Variants in ERGIC1 observed in about 807,000 individuals in gnomAD.
The protein encoded by ERGIC1 is endoplasmic reticulum-golgi intermediate compartment 1, also known as endoplasmic reticulum-Golgi intermediate compartment protein 1.
A neutral mutation model predicts 38.3 loss-of-function variants in ERGIC1; 19 were observed. The observed-to-expected ratio is 0.50, with a 90% CI of 0.35 to 0.73. ERGIC1 has a LOEUF of 0.73. Ranked by LOEUF, ERGIC1 falls within the 30% of genes least tolerant of loss-of-function variation. The probability of loss-of-function intolerance (pLI) is 0.01; values close to 1 mark genes in which losing one functional copy is unlikely to be tolerated. For missense variants in ERGIC1, 294 were observed against 389.2 expected (o/e 0.76, Z 2.06); for synonymous variants, 124 against 157.6 (o/e 0.79, Z 1.60).
intron 1 of ERGIC1, among the ~76,000 whole-genome samples, chr5:172,877,700 G>A (rs73325144): frequency 1.2e-3 from 188 of 152,136 alleles, no homozygotes; most frequent in Middle Eastern, 6.8e-3. Flanking sequence ...CACCCTCTGC[G>A]TTATGGGTGA....
chr5:172,840,454 G>A (rs1270729392), intron 1 of ERGIC1, among the ~76,000 whole-genome samples: 1 of 152,170 alleles, frequency 6.6e-6, no homozygotes, highest in Non-Finnish European at 1.5e-5. Context: ...CTAAATCAGT[G>A]AGCCTCAACC....
In ERGIC1 at chr5:172,877,436, G is replaced by A. The variant is rs201434140; in HGVS notation, c.21-11263G>A. 4.1e-5 allele frequency among the ~76,000 whole-genome samples: 5 copies of A among 122,472 alleles called. No homozygotes were observed. The East Asian group carries it at 9.2e-4, about 22-fold the overall frequency. The allele number at this position is 122,472 out of a possible 152,430, so 80.3% of individuals were successfully genotyped here. A position where few individuals can be genotyped will look rare whatever the true frequency, so the allele number is the denominator to read the frequency against. ...TGTGTGTGTGTGTGTGTGTGTGTGTGTGTGTATATATATATATATATATTT... is the reference window on the plus strand; with the variant it reads ...TGTGTGTGTGTGTGTGTGTGTGTGTATGTGTATATATATATATATATATTT... On this transcript the variant is annotated intron_variant, in intron 1 of 9. Coordinates refer to ENST00000393784, the MANE Select transcript of ERGIC1 (RefSeq NM_001031711.3).
At chr5:172,863,533 C>A (rs576120580) in intron 1 of ERGIC1, among the ~76,000 whole-genome samples, 1 of 152,142 alleles carries the variant, frequency 6.6e-6, no homozygotes, top group Non-Finnish European at 1.5e-5. Flanking sequence ...GGCTGAGTGG[C>A]CAGGAGTCCT....
intron 3 of ERGIC1, among the ~76,000 whole-genome samples, chr5:172,901,240 G>T (rs1307091991): frequency 6.6e-6 from 1 of 152,212 alleles, no homozygotes; most frequent in Non-Finnish European, 1.5e-5. Context: ...CCTGGGCCTG[G>T]TGGGGGGTGA....
At chr5:172,881,955 C>T (rs919436660) in intron 1 of ERGIC1, among the ~76,000 whole-genome samples, 2 of 152,224 alleles carry the variant, frequency 1.3e-5, no homozygotes, top group Admixed American at 6.5e-5. Context: ...GGTCACATCA[C>T]CGCAGCAAGG....
intron 5 of ERGIC1, chr5:172,915,329 T>TG (rs1763333855): frequency 2.1e-6 from 1 of 486,744 alleles, no homozygotes; most frequent in Non-Finnish European, 3.9e-6. Context: ...TGATAGGCTC[T>TG]GGGGCAGCGT....
rs771656204 is a variant in ERGIC1, at chr5:172,888,735, G to A, written c.57G>A (p.Thr19=). 21 of 1,614,018 alleles carry A rather than the reference G, an allele frequency of 1.3e-5. No homozygotes were observed. The highest frequency in any genetic ancestry group is 6.7e-5 in the East Asian group (3 of 44,894). The part of the protein sequence containing the change: ...DIYRKVPKDL[T]QPTYTGAIIS... ...ACAGGAAGGTGCCCAAGGACCTTAC[G>A]CAGCCAACGTACACCGGGGCCATTA... Residue 19 remains threonine (T), a synonymous_variant, in exon 2 of 10, where the codon ACG becomes ACA. Coordinates refer to ENST00000393784, the MANE Select transcript of ERGIC1 (RefSeq NM_001031711.3).
chr5:172,861,255 G>A (rs1162964339), intron 1 of ERGIC1, among the ~76,000 whole-genome samples: 1 of 152,062 alleles, frequency 6.6e-6, no homozygotes, highest in African/African-American at 2.4e-5. Context: ...CAGGCACTTG[G>A]CGTAGTGGCT....
chr5:172,915,854 C>A, intron 5 of ERGIC1: 1 of 325,654 alleles, frequency 3.1e-6, no homozygotes, highest in Non-Finnish European at 6.3e-6. Flanking sequence ...GCCCTTCCTC[C>A]AGACCCTGAC....
At chr5:172,932,337 G>C in intron 7 of ERGIC1, 99 bp from the exon 8 acceptor site, 1 of 1,231,770 alleles carries the variant, frequency 8.1e-7, no homozygotes, top group Non-Finnish European at 1.2e-6. Context: ...TGAGCCCCCT[G>C]CCGTGCCCAG....
chr5:172,935,140 C>T (rs1046167901), intron 8 of ERGIC1, 48 bp from the exon 9 acceptor site: 2 of 1,612,970 alleles, frequency 1.2e-6, no homozygotes, highest in Non-Finnish European at 1.7e-6. Context: ...GTCCCCGCCC[C>T]CCCTGAGACA....
rs1762736902 is a variant in ERGIC1, at chr5:172,896,900, CACA to C, written c.83-101_83-99del. The C allele has an allele frequency of 1.7e-5, 19 of 1,114,072 alleles. No individual in the cohort carries two copies. The South Asian group carries it at 2.4e-4, about 14-fold the overall frequency. The allele number at this position is 1,114,072 out of a possible 1,614,324, so 69.0% of individuals were successfully genotyped here. On this transcript the variant is annotated intron_variant, in intron 2 of 9. Transcript: ENST00000393784. ...TCTGGAGGGTCTGTGGGCACAGCCC[CACA>C]CCCTTGTCCTGGGGCCTCTTTCCTC...
In ERGIC1 at chr5:172,926,847, C is replaced by T. The variant is rs2113457966; in HGVS notation, c.541+278C>T. The T allele has an allele frequency of 2.2e-6, 1 of 463,736 alleles. No homozygotes were observed. Among genetic ancestry groups the T allele is most frequent in the Non-Finnish European group, 4.0e-6 (1 of 252,452 alleles). 28.7% of individuals were successfully genotyped at this position (463,736 alleles called of 1,614,324 possible). A position where few individuals can be genotyped will look rare whatever the true frequency, so the allele number is the denominator to read the frequency against. On this transcript the variant is annotated intron_variant, in intron 7 of 9. Coordinates refer to ENST00000393784, the MANE Select transcript of ERGIC1 (RefSeq NM_001031711.3). This position sits in a 1 kb window ranked among gnomAD's most constrained non-coding sequence, Gnocchi z 5.2. ...ATTACCATTATTGTTGCTCTCATCA[C>T]AGCCACATCATCATCCTTAGTTGAA...
At chr5:172,857,755 G>A (rs536290009) in intron 1 of ERGIC1, among the ~76,000 whole-genome samples, 10 of 152,146 alleles carry the variant, frequency 6.6e-5, no homozygotes, top group East Asian at 3.9e-4. Context: ...CTTCTTCCCC[G>A]GGTTCTTGTC....
chr5:172,909,561 GT>G lies in ERGIC1; in HGVS notation c.156-104del, dbSNP rs1561730611. The G allele has an allele frequency of 1.2e-5, 12 of 1,017,242 alleles. 1 individual carries two copies. Among genetic ancestry groups the G allele is most frequent in the Non-Finnish European group, 6.2e-6 (4 of 647,470 alleles). The allele number at this position is 1,017,242 out of a possible 1,614,324, so 63.0% of individuals were successfully genotyped here. On this transcript the variant is annotated intron_variant, in intron 3 of 9. Coordinates refer to ENST00000393784, the MANE Select transcript of ERGIC1 (RefSeq NM_001031711.3). ...CAGGCTCTGCCCAGGTGGAGTCTGG[GT>G]TATCTAAGTTGTGGTCACCAAGTGA...
In ERGIC1 at chr5:172,950,729, G is replaced by A; in HGVS notation, c.786G>A (p.Gly262=). 1 of 1,612,886 alleles carries A rather than the reference G, an allele frequency of 6.2e-7. No individual in the cohort carries two copies. The highest frequency in any genetic ancestry group is 8.5e-7 in the Non-Finnish European group (1 of 1,179,162). ...FITTICAIIG[G]TFTVAGILDS... ...TGCAGATCTGTGCCATCATTGGCGG[G>A]ACCTTCACCGTCGCCGGCATCCTGG... Residue 262 remains glycine (G), a synonymous_variant, in exon 10 of 10, where the codon GGG becomes GGA. Coordinates refer to ENST00000393784, the MANE Select transcript of ERGIC1 (RefSeq NM_001031711.3).
intron 5 of ERGIC1, among the ~76,000 whole-genome samples, chr5:172,921,272 A>G (rs1271806195): frequency 1.3e-5 from 2 of 151,872 alleles, no homozygotes; most frequent in African/African-American, 4.8e-5. Flanking sequence ...CAACCGCTCT[A>G]CTATGGGTTA....
chr5:172,901,502 T>A (rs1183999956), intron 3 of ERGIC1, among the ~76,000 whole-genome samples: 1 of 152,228 alleles, frequency 6.6e-6, no homozygotes, highest in Non-Finnish European at 1.5e-5. Context: ...CCACTGATAG[T>A]TTATAATGTA....
intron 3 of ERGIC1, chr5:172,906,110 C>T: frequency 2.2e-6 from 1 of 456,264 alleles, no homozygotes; most frequent in Non-Finnish European, 4.4e-6. Flanking sequence ...CTGTTTGCCT[C>T]TCTCCCTCCA....
Sources: gnomAD v4.1 joint callset for allele counts (sites outside exome capture counted in the v4.1 genomes callset) on GRCh38, gnomAD v4.1.1 for gene constraint, Gnocchi (gnomAD v3.1) non-coding constraint, MANE v1.5 for transcripts, NCBI Gene and HGNC (gene_info 2026-07-23, HGNC 2026-07-21) for gene names.